The following ZNF680 variants were observed in gnomAD, a reference collection of about 807,000 sequenced individuals.
The protein encoded by ZNF680 is zinc finger protein 680, also known as hypothetical protein FLJ90430.
ZNF680 carries 6 observed loss-of-function variants against 12.1 expected under a neutral mutation model. The ratio of observed to expected loss-of-function variants is 0.49; its 90% CI spans 0.27 to 0.98. The LOEUF (loss-of-function observed/expected upper bound fraction) is 0.98. ZNF680 is among the 50% of genes least tolerant of loss of function. The pLI is 0.12. For synonymous variants in ZNF680, 170 were observed against 199.3 expected (o/e 0.85, Z 1.24); for missense variants, 561 against 616.3 (o/e 0.91, Z 0.95).
In ZNF680 at chr7:64,531,382, T is replaced by A. The variant is rs1188704816; in HGVS notation, c.254-8882A>T. ...AGGCTGAGGTGGGCAGATCACGAGG[T>A]CAGGAGATCAAGACCACCCTGGCTA... On this transcript the variant is annotated intron_variant, in intron 3 of 3. Coordinates refer to ENST00000309683, the MANE Select transcript of ZNF680 (RefSeq NM_178558.5). Among the ~76,000 whole-genome samples, 6 of 151,944 alleles carry A rather than the reference T, an allele frequency of 3.9e-5. No homozygotes were observed. The South Asian group carries it at 8.3e-4, about 21-fold the overall frequency.
chr7:64,549,937 C>T (rs1045007505), intron 1 of ZNF680, among the ~76,000 whole-genome samples: 7 of 152,066 alleles, frequency 4.6e-5, no homozygotes, highest in African/African-American at 1.7e-4. Flanking sequence ...GAGCAGAGAT[C>T]GCACCATTGC....
intron 3 of ZNF680, among the ~76,000 whole-genome samples, chr7:64,537,342 T>A (rs1786222633): frequency 1.3e-5 from 2 of 152,072 alleles, no homozygotes; most frequent in African/African-American, 2.4e-5. Context: ...TAATTTAAAA[T>A]AAAATAAAAC....
chr7:64,508,338 T>C, the ZNF680 span, among the ~76,000 whole-genome samples: 2 of 151,934 alleles, frequency 1.3e-5, no homozygotes, highest in Admixed American at 6.6e-5. Flanking sequence ...TTTATATTTA[T>C]GCTGTATGTG....
At chr7:64,553,722 A>T (rs1371789788) in intron 1 of ZNF680, among the ~76,000 whole-genome samples, 1 of 151,982 alleles carries the variant, frequency 6.6e-6, no homozygotes, top group Non-Finnish European at 1.5e-5. Context: ...AGTGCCTGGG[A>T]TTGCAGGCGC....
chr7:64,538,378 A>ATG (rs1426498842), intron 3 of ZNF680, among the ~76,000 whole-genome samples: 6 of 147,904 alleles, frequency 4.1e-5, no homozygotes, highest in African/African-American at 1.2e-4. Flanking sequence ...ATGTGATAGG[A>ATG]GTTAATATTC....
In ZNF680 at chr7:64,554,081, G is replaced by A. The variant is rs556883494; in HGVS notation, c.30+8844C>T. On this transcript the variant is annotated intron_variant, in intron 1 of 3. Transcript: ENST00000309683. ...ATGTGAGGAGCCCCTCTGCCCGGCC[G>A]CCCAGTCTGGGAAGTGAGGAGCGCC... 3.6e-3 allele frequency among the ~76,000 whole-genome samples: 543 copies of A among 149,718 alleles called. 5 individuals carry two copies. Among genetic ancestry groups the A allele is most frequent in the African/African-American group, 0.013 (508 of 40,474 alleles).
At chr7:64,507,861 ACACACACACACACACACATTT>A in the ZNF680 span, among the ~76,000 whole-genome samples, 1 of 116,258 alleles carries the variant, frequency 8.6e-6, no homozygotes, top group Admixed American at 8.8e-5. Flanking sequence ...ACACACACAC[ACACACACACACACACACATTT>A]TTTTATTTCG....
chr7:64,506,389 C>T, the ZNF680 span, among the ~76,000 whole-genome samples: 2 of 152,096 alleles, frequency 1.3e-5, no homozygotes, highest in African/African-American at 4.8e-5. Flanking sequence ...GGGGTTTCAC[C>T]GTGTTAGCCA....
rs188524363 is a variant in ZNF680 at position 64,548,851 on chromosome 7, G to A, written c.31-4419C>T. Among the ~76,000 whole-genome samples the A allele has an allele frequency of 2.4e-3, 359 of 152,132 alleles. 3 individuals carry two copies. Among genetic ancestry groups the A allele is most frequent in the African/African-American group, 7.4e-3 (309 of 41,492 alleles). ...ATAAAAAATGAAACTGGCCGGGCGC[G>A]GTGGCTCATGCTTGTAATCCAAGCG... On this transcript the variant is annotated intron_variant, in intron 1 of 3. Coordinates refer to ENST00000309683, the MANE Select transcript of ZNF680 (RefSeq NM_178558.5).
chr7:64,540,236 G>T (rs1786425806), intron 3 of ZNF680, among the ~76,000 whole-genome samples: 1 of 151,544 alleles, frequency 6.6e-6, no homozygotes, highest in Admixed American at 6.6e-5. Context: ...CAAAATGGAG[G>T]TCATATTTGT....
At chr7:64,508,120 A>AACGTATAT in the ZNF680 span, among the ~76,000 whole-genome samples, 1 of 69,236 alleles carries the variant, frequency 1.4e-5, no homozygotes, top group Admixed American at 1.5e-4. Flanking sequence ...TATATTTTAA[A>AACGTATAT]ATGTATATAT....
chr7:64,526,854 G>A (rs1010108074), intron 3 of ZNF680, among the ~76,000 whole-genome samples: 6 of 152,186 alleles, frequency 3.9e-5, no homozygotes, highest in African/African-American at 1.4e-4. Context: ...GATGTTTTAT[G>A]TAATCTCCAC....
At chr7:64,510,928 AT>A in the ZNF680 span, among the ~76,000 whole-genome samples, 1 of 55,448 alleles carries the variant, frequency 1.8e-5, no homozygotes, top group African/African-American at 1.3e-4. Context: ...AAAATAAAAA[AT>A]AAAAAATAAA....
At chr7:64,541,548 G>A (rs906221709) in intron 3 of ZNF680, among the ~76,000 whole-genome samples, 8 of 152,122 alleles carry the variant, frequency 5.3e-5, no homozygotes, top group African/African-American at 1.9e-4. Context: ...AAAAATAAGT[G>A]CCTTTAAGAG....
the ZNF680 span, among the ~76,000 whole-genome samples, chr7:64,513,086 G>T: frequency 6.6e-6 from 1 of 152,082 alleles, no homozygotes; most frequent in African/African-American, 2.4e-5. Flanking sequence ...GCCAAAAAGC[G>T]TATGTGCCCC....
intron 3 of ZNF680, among the ~76,000 whole-genome samples, chr7:64,530,084 T>C (rs903367807): frequency 4.3e-4 from 65 of 152,180 alleles, no homozygotes; most frequent in Admixed American, 1.3e-4. Context: ...ATATAGTCTT[T>C]TTCAGACAAA....
At chr7:64,555,498 A>C (rs1304684902) in intron 1 of ZNF680, among the ~76,000 whole-genome samples, 1 of 152,094 alleles carries the variant, frequency 6.6e-6, no homozygotes, top group Admixed American at 6.6e-5. Flanking sequence ...TCTGCAACAC[A>C]GCTAAGGCAG....
chr7:64,538,568 C>G (rs969275759), intron 3 of ZNF680, among the ~76,000 whole-genome samples: 1 of 152,160 alleles, frequency 6.6e-6, no homozygotes, highest in African/African-American at 2.4e-5. Context: ...ACAGAATCCT[C>G]TTACACCCAT....
chr7:64,562,914 C>T lies in ZNF680; in HGVS notation c.30+11G>A, dbSNP rs368197398. ...CTCCCCCTCTCTCGGGGTGTCGGAC[C>T]GCACTCTCACCATTTCTAGGCTTCC... On this transcript the variant is annotated intron_variant, in intron 1 of 3. Transcript: ENST00000309683. The T allele has an allele frequency of 5.6e-6, 9 of 1,613,498 alleles. No individual in the cohort carries two copies. In the African/African-American group the frequency reaches 1.2e-4, roughly 22 times the overall value.
Sources: allele counts gnomAD v4.1 joint callset (sites outside exome capture counted in the v4.1 genomes callset), GRCh38; gene constraint gnomAD v4.1.1; transcripts MANE v1.5; gene names NCBI Gene and HGNC (gene_info 2026-07-23, HGNC 2026-07-21).